RBM20: variants seen among roughly 807,000 people sequenced by gnomAD.
RBM20 encodes the protein RNA binding motif protein 20.
In RBM20, 51 loss-of-function variants were observed where a neutral mutation model predicts 110.1. That is an observed-to-expected ratio of 0.46 (90% confidence interval 0.37 to 0.59). The LOEUF (loss-of-function observed/expected upper bound fraction) is 0.59. RBM20 is among the 20% of genes least tolerant of loss of function. RBM20 has a pLI of 0.00. For missense variants in RBM20, 1,512 were observed against 1,574.9 expected, an observed-to-expected ratio of 0.96 and a Z score of 0.68; for synonymous variants, 589 against 618.2, an observed-to-expected ratio of 0.95 and a Z score of 0.70.
Position 110,813,036 on chromosome 10 carries a change from A to C in RBM20, c.2550+89A>C, listed in dbSNP as rs1844795964. On this transcript the variant is annotated intron_variant, in intron 9 of 13. Transcript: ENST00000369519. Reference sequence around the variant, plus strand: ...TATAATGAGGATGAACGTTTATTGAATGAATGAACATTTACTGGCTATTTA... The same window carrying C: ...TATAATGAGGATGAACGTTTATTGACTGAATGAACATTTACTGGCTATTTA... 3.3e-6 allele frequency: 3 copies of C among 917,658 alleles called. No homozygotes were observed. In the South Asian group the frequency reaches 6.0e-5, roughly 18 times the overall value. The allele number at this position is 917,658 out of a possible 1,614,324, so 56.8% of individuals were successfully genotyped here. A position where few individuals can be genotyped will look rare whatever the true frequency, so the allele number is the denominator to read the frequency against.
chr10:110,806,207 G>A (rs1299322647), intron 7 of RBM20, among the ~76,000 whole-genome samples: 3 of 151,598 alleles, frequency 2.0e-5, no homozygotes, highest in African/African-American at 4.9e-5. Flanking sequence ...GGCAGAGGTT[G>A]CAGTGAGCCA....
Position 110,836,282 on chromosome 10 carries a change from CCTT to C in RBM20, c.*305_*307del, listed in dbSNP as rs1371241953. 1 of 197,880 alleles carries C rather than the reference CCTT, an allele frequency of 5.1e-6. No individual in the cohort carries two copies. The highest frequency in any genetic ancestry group is 2.3e-5 in the African/African-American group (1 of 43,308). The allele number at this position is 197,880 out of a possible 1,614,324, so 12.3% of individuals were successfully genotyped here. A position where few individuals can be genotyped will look rare whatever the true frequency, so the allele number is the denominator to read the frequency against. On this transcript the variant is annotated 3_prime_UTR_variant, in exon 14 of 14. Transcript: ENST00000369519. ...CCTCTTGTTCTTTCTCTCCCTCCCT[CCTT>C]ATGTGCCAAGGATCGTTTCCTTTTC...
In RBM20 at chr10:110,820,094, G is replaced by T; in HGVS notation, c.2573G>T (p.Gly858Val). Residue 858 changes from glycine to valine, a missense_variant, in exon 10 of 14, where the codon GGC (glycine) becomes GTC (valine). Around this residue, in one of 3 missense-constraint regions of RBM20, gnomAD observed 1,149 missense variants for 1,169.4 expected, o/e 0.98. Transcript: ENST00000369519. ...ENEAGKEEQE[G>V]MEESPQSVGR... The stretch of plus-strand genomic sequence containing the variant: ...AAGGCTGGAAAAGAGGAACAGGAGG[G>T]CATGGAAGAAAGCCCTCAATCAGTG... 1 of 1,550,912 alleles carries T rather than the reference G, an allele frequency of 6.4e-7. No individual in the cohort carries two copies. Among genetic ancestry groups the T allele is most frequent in the South Asian group, 1.2e-5 (1 of 83,920 alleles).
At chr10:110,785,096 A>T (rs1844404645) in intron 5 of RBM20, among the ~76,000 whole-genome samples, 1 of 152,158 alleles carries the variant, frequency 6.6e-6, no homozygotes, top group Non-Finnish European at 1.5e-5. Context: ...CTAGGATTAC[A>T]GGTGTGAGCC....
At chr10:110,683,680 G>A (rs985814487) in intron 1 of RBM20, among the ~76,000 whole-genome samples, 1 of 152,206 alleles carries the variant, frequency 6.6e-6, no homozygotes, top group Admixed American at 6.5e-5. Context: ...CTCAATTGGA[G>A]AGCCAATCAA....
Position 110,781,068 on chromosome 10 carries a change from C to T in RBM20, c.459C>T (p.Pro153=). 6.4e-7 allele frequency: 1 copy of T among 1,551,882 alleles called. No individual in the cohort carries two copies. Among genetic ancestry groups the T allele is most frequent in the Non-Finnish European group, 8.7e-7 (1 of 1,147,024 alleles). The change falls in exon 2 of 14, where the codon CCC becomes CCT. Residue 153 remains proline, a synonymous_variant. Transcript: ENST00000369519. ...ITGPHGHAGV[P]QHAAAIPSTR... ...GCCCCCACGGCCATGCTGGGGTTCC[C>T]CAACATGCTGCAGCCATACCCAGTA...
intron 1 of RBM20, among the ~76,000 whole-genome samples, chr10:110,699,096 A>G (rs987669681): frequency 4.6e-5 from 7 of 152,116 alleles, no homozygotes; most frequent in African/African-American, 1.7e-4. Context: ...GCAAGAAGCC[A>G]TTGGTCGTTC....
At chr10:110,645,334 A>G (rs533209677) in intron 1 of RBM20, among the ~76,000 whole-genome samples, 2 of 152,296 alleles carry the variant, frequency 1.3e-5, no homozygotes, top group African/African-American at 4.8e-5. Flanking sequence ...GGAACATACA[A>G]GTAAAAACAG....
intron 5 of RBM20, among the ~76,000 whole-genome samples, chr10:110,788,499 G>A (rs1403418504): frequency 6.6e-6 from 1 of 152,180 alleles, no homozygotes; most frequent in Non-Finnish European, 1.5e-5. Flanking sequence ...GCCTATCTGA[G>A]GGACAAGGAC....
chr10:110,663,922 TAAG>T (rs1862142277), intron 1 of RBM20, among the ~76,000 whole-genome samples: 1 of 152,082 alleles, frequency 6.6e-6, no homozygotes, highest in Admixed American at 6.5e-5. Flanking sequence ...GTATACATAA[TAAG>T]AGCAATTATG....
chr10:110,654,945 C>T (rs11195255), intron 1 of RBM20, among the ~76,000 whole-genome samples: 1 of 152,168 alleles, frequency 6.6e-6, no homozygotes, highest in Admixed American at 6.5e-5. Context: ...TTTACTTCAA[C>T]AATAATCCTG....
intron 1 of RBM20, among the ~76,000 whole-genome samples, chr10:110,757,193 T>A (rs1338865439): frequency 6.6e-6 from 1 of 152,236 alleles, no homozygotes; most frequent in Non-Finnish European, 1.5e-5. Context: ...TCTAATTGCT[T>A]ATTATTCTCC....
intron 11 of RBM20, chr10:110,822,485 C>T (rs1450517920): frequency 6.6e-6 from 3 of 456,528 alleles, no homozygotes; most frequent in African/African-American, 4.0e-5. Context: ...TTGGAGGTGA[C>T]GTTTTGTGCC....
intron 11 of RBM20, 24 bp downstream of exon 11, chr10:110,821,959 G>A (rs773481466): frequency 4.1e-5 from 64 of 1,550,344 alleles, no homozygotes; most frequent in African/African-American, 1.1e-4. Context: ...CTTTCCTCAC[G>A]GGTGGTCGGG....
chr10:110,812,211 CTG>C (rs1844776116), intron 8 of RBM20, 65 bp from the exon 9 acceptor site: 1 of 1,351,080 alleles, frequency 7.4e-7, no homozygotes, highest in African/African-American at 1.5e-5. Context: ...GACTGTGTGT[CTG>C]TGTGTGGGTG....
intron 5 of RBM20, among the ~76,000 whole-genome samples, chr10:110,794,450 A>C (rs1475602876): frequency 3.3e-5 from 5 of 152,244 alleles, no homozygotes; most frequent in African/African-American, 1.2e-4. Flanking sequence ...GAGATTCTCA[A>C]GATTTTCATT....
At chr10:110,719,368 AT>A (rs1843477976) in intron 1 of RBM20, among the ~76,000 whole-genome samples, 1 of 152,178 alleles carries the variant, frequency 6.6e-6, no homozygotes, top group South Asian at 2.1e-4. Context: ...TTCCCCTTCC[AT>A]TAATTGATAC....
intron 1 of RBM20, among the ~76,000 whole-genome samples, chr10:110,671,247 T>C (rs1480992177): frequency 6.6e-6 from 1 of 152,268 alleles, no homozygotes; most frequent in African/African-American, 2.4e-5. Context: ...TTCTAGTTTT[T>C]CTGTCTTATC....
intron 1 of RBM20, among the ~76,000 whole-genome samples, chr10:110,669,069 C>A (rs1370973657): frequency 6.6e-6 from 1 of 152,136 alleles, no homozygotes; most frequent in Admixed American, 6.5e-5. Context: ...TGTCTTGAAC[C>A]TCATAAAGGT....
Sources: gnomAD v4.1 joint callset for allele counts (sites outside exome capture counted in the v4.1 genomes callset) on GRCh38, gnomAD v4.1.1 for gene constraint, gnomAD v4.1.1 regional missense constraint, MANE v1.5 for transcripts, NCBI Gene and HGNC (gene_info 2026-07-23, HGNC 2026-07-21) for gene names.